Variants in SLC14A2 observed in about 807,000 individuals in gnomAD.
SLC14A2 encodes the protein solute carrier family 14 member 2.
SLC14A2 carries 91 observed loss-of-function variants against 104.6 expected under a neutral mutation model. That is an observed-to-expected ratio of 0.87 (90% CI 0.73 to 1.04). The LOEUF (loss-of-function observed/expected upper bound fraction) is 1.04. Ranked by LOEUF, SLC14A2 falls within the 50% of genes least tolerant of loss-of-function variation. The pLI, the probability that SLC14A2 is intolerant of heterozygous loss-of-function variation, is 0.00. For synonymous variants in SLC14A2, 476 were observed against 466.4 expected (o/e 1.02, Z -0.27); for missense variants, 1,189 against 1,156.0 (o/e 1.03, Z -0.41).
At chr18:45,660,477 C>T (rs570554129) in intron 10 of SLC14A2, among the ~76,000 whole-genome samples, 6 of 152,300 alleles carry the variant, frequency 3.9e-5, no homozygotes, top group South Asian at 4.1e-4. Flanking sequence ...TATTTTCCAG[C>T]GCATTTCGTA....
intron 1 of SLC14A2, among the ~76,000 whole-genome samples, chr18:45,414,756 A>T (rs2086253789): frequency 1.4e-5 from 1 of 71,356 alleles, no homozygotes; most frequent in South Asian, 5.1e-4. Flanking sequence ...AAAAAAAAAA[A>T]AATATATATA....
chr18:45,434,528 T>C (rs747026926), intron 1 of SLC14A2, among the ~76,000 whole-genome samples: 10 of 152,214 alleles, frequency 6.6e-5, no homozygotes, highest in Non-Finnish European at 1.3e-4. Context: ...TAAACTGTTA[T>C]GCACATGTGG....
intron 2 of SLC14A2, among the ~76,000 whole-genome samples, chr18:45,582,127 C>T (rs895552482): frequency 2.0e-5 from 3 of 152,110 alleles, no homozygotes; most frequent in Admixed American, 6.6e-5. Context: ...CTCAGAATAC[C>T]TTTGCTCTTG....
At chr18:45,451,047 T>G (rs1390909190) in intron 1 of SLC14A2, among the ~76,000 whole-genome samples, 7 of 152,224 alleles carry the variant, frequency 4.6e-5, no homozygotes, top group African/African-American at 1.7e-4. Flanking sequence ...GGACTGCTCC[T>G]GAGGAGTAAT....
the SLC14A2 span, among the ~76,000 whole-genome samples, chr18:45,171,255 C>A: frequency 6.6e-6 from 1 of 151,988 alleles, no homozygotes; most frequent in Admixed American, 6.6e-5. Flanking sequence ...TTTTCTCTGA[C>A]AACTCTAGTC....
intron 1 of SLC14A2, among the ~76,000 whole-genome samples, chr18:45,221,836 T>C (rs1293769714): frequency 6.6e-6 from 1 of 151,926 alleles, no homozygotes; most frequent in Non-Finnish European, 1.5e-5. Context: ...GTCTTCAACC[T>C]AGCCCAAGGA....
intron 2 of SLC14A2, among the ~76,000 whole-genome samples, chr18:45,507,588 C>T (rs1278391852): frequency 6.6e-6 from 1 of 152,194 alleles, no homozygotes; most frequent in Non-Finnish European, 1.5e-5. Context: ...CAGACTCTGT[C>T]CTCAGTGGGC....
chr18:45,534,501 A>T (rs889217255), intron 2 of SLC14A2, among the ~76,000 whole-genome samples: 2 of 152,080 alleles, frequency 1.3e-5, no homozygotes, highest in Non-Finnish European at 2.9e-5. Flanking sequence ...ATTTTATTTC[A>T]CCAGAAACAC....
chr18:45,213,938 G>A (rs1247063983), intron 1 of SLC14A2, among the ~76,000 whole-genome samples: 1 of 152,200 alleles, frequency 6.6e-6, no homozygotes, highest in East Asian at 1.9e-4. Context: ...ACCAATAATA[G>A]TGCTGAAGAT....
the SLC14A2 span, among the ~76,000 whole-genome samples, chr18:45,181,837 G>A: frequency 2.0e-5 from 3 of 152,066 alleles, no homozygotes. Flanking sequence ...TTATTAAGTA[G>A]ATTAAGATAA....
chr18:45,590,146 CAGAG>C (rs2044627226), intron 2 of SLC14A2, among the ~76,000 whole-genome samples: 1 of 152,134 alleles, frequency 6.6e-6, no homozygotes, highest in Non-Finnish European at 1.5e-5. Context: ...AGGCCAAAGG[CAGAG>C]AGAGAAAGAG....
intron 1 of SLC14A2, among the ~76,000 whole-genome samples, chr18:45,382,436 T>A (rs768752683): frequency 2.0e-5 from 3 of 152,282 alleles, no homozygotes; most frequent in Non-Finnish European, 4.4e-5. Context: ...GAAGACTTCA[T>A]GCAAAATAGG....
intron 1 of SLC14A2, among the ~76,000 whole-genome samples, chr18:45,422,322 AT>A (rs1226300941): frequency 6.6e-6 from 1 of 152,204 alleles, no homozygotes; most frequent in Non-Finnish European, 1.5e-5. Context: ...GAATATAGAG[AT>A]TTCACTAGCA....
chr18:45,240,272 A>G (rs944409854), intron 1 of SLC14A2, among the ~76,000 whole-genome samples: 2 of 147,862 alleles, frequency 1.4e-5, no homozygotes, highest in East Asian at 2.0e-4. Flanking sequence ...AATTTTTTCT[A>G]TTTTAGTAGA....
At chr18:45,673,626 A>G in intron 17 of SLC14A2, 57 bp from the exon 18 acceptor site, 1 of 1,578,192 alleles carries the variant, frequency 6.3e-7, no homozygotes, top group Non-Finnish European at 8.7e-7. Context: ...TTTCAGGGCC[A>G]GCAGATGGGC....
chr18:45,539,432 A>G (rs1414185600), intron 2 of SLC14A2, among the ~76,000 whole-genome samples: 1 of 152,056 alleles, frequency 6.6e-6, no homozygotes, highest in Non-Finnish European at 1.5e-5. Context: ...AGGCCAATGG[A>G]GTTTGTGAGT....
At chr18:45,513,350 C>A (rs1312153917) in intron 2 of SLC14A2, among the ~76,000 whole-genome samples, 1 of 152,154 alleles carries the variant, frequency 6.6e-6, no homozygotes, top group Non-Finnish European at 1.5e-5. Context: ...TCATTTTAAG[C>A]CTTATCGCCC....
chr18:45,627,690 C>T (rs969820777), intron 4 of SLC14A2, among the ~76,000 whole-genome samples: 3 of 152,066 alleles, frequency 2.0e-5, no homozygotes, highest in African/African-American at 7.2e-5. Context: ...AAGTTGGCCT[C>T]GCACTGGCTG....
upstream of SLC14A2, chr18:45,614,731 G>A (rs1198803895): frequency 6.6e-6 from 1 of 150,538 alleles, no homozygotes; most frequent in African/African-American, 2.4e-5. Context: ...TCTCCCATTT[G>A]AAATGGGAGC....
Sources: allele counts gnomAD v4.1 joint callset (sites outside exome capture counted in the v4.1 genomes callset), GRCh38; gene constraint gnomAD v4.1.1; transcripts MANE v1.5; gene names NCBI Gene and HGNC (gene_info 2026-07-23, HGNC 2026-07-21).